The following PRKG2 variants were observed in gnomAD, a reference collection of about 807,000 sequenced individuals.
PRKG2 encodes the protein protein kinase cGMP-dependent 2.
PRKG2 carries 33 observed loss-of-function variants against 97.2 expected under a neutral mutation model. The observed-to-expected ratio is 0.34, with a 90% CI of 0.26 to 0.45. PRKG2 has a LOEUF of 0.45. Ranked by LOEUF, PRKG2 falls within the 20% of genes least tolerant of loss-of-function variation. The pLI, the probability that PRKG2 is intolerant of heterozygous loss-of-function variation, is 1.00. For missense variants in PRKG2, 638 were observed against 900.0 expected, an observed-to-expected ratio of 0.71 and a Z score of 3.73; for synonymous variants, 330 against 321.8, an observed-to-expected ratio of 1.03 and a Z score of -0.27.
At chr4:81,141,984 C>G (rs745933005) in intron 11 of PRKG2, among the ~76,000 whole-genome samples, 70 of 152,128 alleles carry the variant, frequency 4.6e-4, no homozygotes, top group Non-Finnish European at 8.8e-4. Context: ...AACAGGTCAG[C>G]AGAGTTCCCA....
chr4:81,154,970 C>T (rs1479690394), intron 6 of PRKG2, among the ~76,000 whole-genome samples: 7 of 151,848 alleles, frequency 4.6e-5, no homozygotes, highest in African/African-American at 1.5e-4. Context: ...GTCAGGAGAT[C>T]GAGACCATCC....
At chr4:81,179,283 C>T (rs1443346048) in intron 2 of PRKG2, among the ~76,000 whole-genome samples, 1 of 136,260 alleles carries the variant, frequency 7.3e-6, no homozygotes, top group Non-Finnish European at 1.5e-5. Context: ...AAACCAAATA[C>T]AATGAGAAAA....
At chr4:81,126,409 G>T (rs1745567333) in intron 14 of PRKG2, among the ~76,000 whole-genome samples, 1 of 152,126 alleles carries the variant, frequency 6.6e-6, no homozygotes, top group Admixed American at 6.5e-5. Context: ...GGATTGCTGG[G>T]TCAAATAGTA....
At chr4:81,110,373 A>G (rs1743774197) in intron 15 of PRKG2, 75 bp downstream of exon 15, 1 of 1,471,796 alleles carries the variant, frequency 6.8e-7, no homozygotes, top group Non-Finnish European at 9.3e-7. Context: ...CTTAAAGTAT[A>G]TACACTTTAT....
intron 13 of PRKG2, among the ~76,000 whole-genome samples, chr4:81,136,783 A>C (rs1746748070): frequency 6.6e-6 from 1 of 152,180 alleles, no homozygotes; most frequent in Non-Finnish European, 1.5e-5. Flanking sequence ...TAAACAATGA[A>C]ATGTTTTAAA....
Position 81,204,016 on chromosome 4 carries a change from T to C in PRKG2, c.461+571A>G, listed in dbSNP as rs144275966. On this transcript the variant is annotated intron_variant, in intron 2 of 18. Transcript: ENST00000264399. ...ATTGATTCCAATTAATAATTACACA[T>C]TGCTGACTTGTTTCTGTGTATACTG... 1.7e-3 allele frequency among the ~76,000 whole-genome samples: 265 copies of C among 152,292 alleles called. 1 individual carries two copies. Among genetic ancestry groups the C allele is most frequent in the African/African-American group, 6.1e-3 (253 of 41,556 alleles).
At chr4:81,199,834 A>G (rs999487849) in intron 2 of PRKG2, among the ~76,000 whole-genome samples, 2 of 152,192 alleles carry the variant, frequency 1.3e-5, no homozygotes, top group African/African-American at 4.8e-5. Context: ...ACTCACTAGC[A>G]TTTTCTTCTT....
chr4:81,100,586 C>T (rs145697991), intron 17 of PRKG2, among the ~76,000 whole-genome samples: 2 of 152,068 alleles, frequency 1.3e-5, no homozygotes, highest in Admixed American at 6.6e-5. Flanking sequence ...AAGACTTAAA[C>T]GTTAGACCTA....
intron 2 of PRKG2, among the ~76,000 whole-genome samples, chr4:81,196,093 A>C (rs1752943613): frequency 6.6e-6 from 1 of 152,176 alleles, no homozygotes; most frequent in East Asian, 1.9e-4. Flanking sequence ...GGCCTGTGAG[A>C]GGGACGCAAG....
intron 6 of PRKG2, among the ~76,000 whole-genome samples, chr4:81,154,495 C>G (rs1283926933): frequency 7.3e-6 from 1 of 136,864 alleles, no homozygotes; most frequent in Non-Finnish European, 1.5e-5. Flanking sequence ...GGAGGCACCC[C>G]CCAGCAGGGG....
intron 9 of PRKG2, among the ~76,000 whole-genome samples, chr4:81,148,395 A>G (rs914181676): frequency 2.0e-5 from 3 of 152,316 alleles, no homozygotes; most frequent in Non-Finnish European, 2.9e-5. Context: ...TAAGACATTT[A>G]GAGATTAATA....
chr4:81,153,629 T>A lies in PRKG2; in HGVS notation c.990+15A>T. 4 of 1,550,574 alleles carry A rather than the reference T, an allele frequency of 2.6e-6. No homozygotes were observed. Among genetic ancestry groups the A allele is most frequent in the Non-Finnish European group, 3.6e-6 (4 of 1,124,118 alleles). ...AATAATCTTTTTTATTTAGTAAGTTTTAATTAATAGTTACCTTTCCTTTTG... is the reference window on the plus strand; with the variant it reads ...AATAATCTTTTTTATTTAGTAAGTTATAATTAATAGTTACCTTTCCTTTTG... On this transcript the variant is annotated intron_variant, in intron 7 of 18. Coordinates refer to ENST00000264399, the MANE Select transcript of PRKG2 (RefSeq NM_006259.3).
At chr4:81,099,742 G>A (rs1742519696) in intron 17 of PRKG2, among the ~76,000 whole-genome samples, 1 of 152,050 alleles carries the variant, frequency 6.6e-6, no homozygotes, top group South Asian at 2.1e-4. Context: ...GAAATAAAGG[G>A]TATTCAATTA....
chr4:81,132,542 AAG>A (rs1424145088), intron 14 of PRKG2, among the ~76,000 whole-genome samples: 4 of 152,130 alleles, frequency 2.6e-5, no homozygotes, highest in Non-Finnish European at 5.9e-5. Context: ...TTATACACTG[AAG>A]AATGTCCTGA....
intron 17 of PRKG2, among the ~76,000 whole-genome samples, chr4:81,094,507 G>GTT (rs1237108693): frequency 6.6e-6 from 1 of 152,084 alleles, no homozygotes; most frequent in Admixed American, 6.6e-5. Context: ...AGATGTTTTT[G>GTT]TTTTGCTGGG....
At chr4:81,177,586 C>T (rs865813601) in intron 2 of PRKG2, among the ~76,000 whole-genome samples, 1 of 152,122 alleles carries the variant, frequency 6.6e-6, no homozygotes, top group Middle Eastern at 3.4e-3. Context: ...GCCTGTAGTC[C>T]CAGCTGTGGA....
In PRKG2 at chr4:81,105,903, GT is replaced by G; in HGVS notation, c.1972del (p.Thr658ProfsTer4). On this transcript the variant is annotated frameshift_variant, in exon 16 of 19. Transcript: ENST00000264399. LOFTEE classifies it high-confidence loss of function. ...PPFSGVDQMM[T>X]YNLILKGIEK... ...AATTCCTTTGAGAATCAAATTGTAG[GT>G]CATCATTTGGTCAACCCCAGAAAAG... The G allele has an allele frequency of 6.2e-7, 1 of 1,613,596 alleles. No homozygotes were observed. Among genetic ancestry groups the G allele is most frequent in the Non-Finnish European group, 8.5e-7 (1 of 1,179,714 alleles).
At chr4:81,128,724 T>G (rs1251148882) in intron 14 of PRKG2, among the ~76,000 whole-genome samples, 1 of 152,168 alleles carries the variant, frequency 6.6e-6, no homozygotes, top group Non-Finnish European at 1.5e-5. Context: ...TCTCTTTTCT[T>G]CTTTATTAGT....
At chr4:81,096,861 C>G (rs919512657) in intron 17 of PRKG2, among the ~76,000 whole-genome samples, 7 of 152,174 alleles carry the variant, frequency 4.6e-5, no homozygotes, top group Admixed American at 2.0e-4. Context: ...TTCCCAAAGC[C>G]ATTTATGAGC....
Sources: gnomAD v4.1 joint callset for allele counts (sites outside exome capture counted in the v4.1 genomes callset) on GRCh38, gnomAD v4.1.1 for gene constraint, MANE v1.5 for transcripts, NCBI Gene and HGNC (gene_info 2026-07-23, HGNC 2026-07-21) for gene names.